WDR19: variants seen among roughly 807,000 people sequenced by gnomAD.
WDR19 encodes the protein WD repeat-containing protein 19.
Under a neutral mutation model 180.0 loss-of-function variants are expected in WDR19, and 121 were observed. That is an observed-to-expected ratio of 0.67 (90% CI 0.58 to 0.78). The LOEUF (loss-of-function observed/expected upper bound fraction) is 0.78, where lower values mean the gene tolerates loss of function less well. Ranked by LOEUF, WDR19 falls within the 30% of genes least tolerant of loss-of-function variation. The probability of loss-of-function intolerance (pLI) is 0.00; values close to 1 mark genes in which losing one functional copy is unlikely to be tolerated. For missense variants in WDR19, 1,450 were observed against 1,640.7 expected, an observed-to-expected ratio of 0.88 and a Z score of 2.01; for synonymous variants, 497 against 540.7, an observed-to-expected ratio of 0.92 and a Z score of 1.12.
intron 36 of WDR19, among the ~76,000 whole-genome samples, chr4:39,282,323 T>A (rs1022601848): frequency 5.3e-5 from 8 of 152,204 alleles, no homozygotes; most frequent in Non-Finnish European, 8.8e-5. Flanking sequence ...TTAACAGCAG[T>A]CTGCCAATCT....
chr4:39,257,069 A>G (rs969171522), intron 27 of WDR19, among the ~76,000 whole-genome samples: 29 of 152,224 alleles, frequency 1.9e-4, no homozygotes, highest in Non-Finnish European at 4.1e-4. Context: ...CATATCACAC[A>G]GATCTTCTTA....
chr4:39,187,292 C>T (rs576449972), intron 3 of WDR19, among the ~76,000 whole-genome samples: 12 of 151,910 alleles, frequency 7.9e-5, no homozygotes, highest in African/African-American at 2.2e-4. Context: ...TGGTGGCATG[C>T]GCCTGTAGTC....
intron 7 of WDR19, among the ~76,000 whole-genome samples, chr4:39,204,539 A>G (rs1425294202): frequency 5.3e-5 from 8 of 152,268 alleles, no homozygotes; most frequent in Admixed American, 2.6e-4. Flanking sequence ...GTGACTTACA[A>G]TTGAGAGCAT....
chr4:39,234,604 A>G (rs1394004288), intron 19 of WDR19, among the ~76,000 whole-genome samples, 162 bp from the exon 20 acceptor site: 4 of 152,344 alleles, frequency 2.6e-5, no homozygotes, highest in Admixed American at 2.0e-4. Flanking sequence ...TCAAGACCCT[A>G]TTGAGAATAC....
chr4:39,284,645 T>TA (rs144371093), intron 36 of WDR19, among the ~76,000 whole-genome samples: 54,521 of 131,094 alleles, frequency 0.42, 13,546 homozygotes, highest in East Asian at 0.57. Flanking sequence ...CCTGGCTTTC[T>TA]AAAAAAAAAA....
intron 28 of WDR19, among the ~76,000 whole-genome samples, chr4:39,261,006 G>A (rs894745570): frequency 1.3e-5 from 2 of 151,934 alleles, no homozygotes; most frequent in African/African-American, 4.8e-5. Flanking sequence ...TCTCTTTTTT[G>A]TTGTTTCGTT....
intron 4 of WDR19, among the ~76,000 whole-genome samples, chr4:39,191,938 G>A (rs1372740126): frequency 6.6e-6 from 1 of 152,246 alleles, no homozygotes; most frequent in South Asian, 2.1e-4. Flanking sequence ...CTGATCCAAT[G>A]GCATTATTGG....
At chr4:39,231,532 A>G (rs112285281) in intron 17 of WDR19, among the ~76,000 whole-genome samples, 17 of 152,318 alleles carry the variant, frequency 1.1e-4, no homozygotes, top group African/African-American at 4.1e-4. Flanking sequence ...AAAAGAAATA[A>G]ATGAATAGGA....
At chr4:39,263,608 C>CT (rs1282211156) in intron 28 of WDR19, among the ~76,000 whole-genome samples, 1 of 152,142 alleles carries the variant, frequency 6.6e-6, no homozygotes, top group Non-Finnish European at 1.5e-5. Flanking sequence ...CTGGGGGCAG[C>CT]TGCCATTATT....
At chr4:39,207,017 G>A (rs1325116057) in intron 9 of WDR19, among the ~76,000 whole-genome samples, 4 of 152,068 alleles carry the variant, frequency 2.6e-5, no homozygotes, top group African/African-American at 9.7e-5. Context: ...AACTCGCTCA[G>A]GAAATAACAA....
intron 8 of WDR19, 23 bp downstream of exon 8, chr4:39,205,289 G>A (rs1727830187): frequency 6.5e-7 from 1 of 1,544,746 alleles, no homozygotes; most frequent in East Asian, 2.3e-5. Flanking sequence ...TAACTGGTAT[G>A]TACAAAAAGC....
intron 3 of WDR19, among the ~76,000 whole-genome samples, chr4:39,188,779 C>G (rs1313484729): frequency 6.6e-6 from 1 of 151,958 alleles, no homozygotes; most frequent in Non-Finnish European, 1.5e-5. Flanking sequence ...GAAACAGGGT[C>G]TCTCTGTGTT....
chr4:39,252,041 A>G (rs191296666), intron 24 of WDR19, among the ~76,000 whole-genome samples: 163 of 152,282 alleles, frequency 1.1e-3, no homozygotes, highest in African/African-American at 3.4e-3. Context: ...TCATGCTGCT[A>G]TGAAGACACA....
chr4:39,225,483 C>A (rs1481380392), intron 15 of WDR19, among the ~76,000 whole-genome samples: 1 of 152,060 alleles, frequency 6.6e-6, no homozygotes, highest in Admixed American at 6.6e-5. Flanking sequence ...ATGGATGAAC[C>A]CATTTTAAAA....
intron 23 of WDR19, 105 bp from the exon 24 acceptor site, chr4:39,245,264 A>G (rs1299134555): frequency 3.3e-6 from 3 of 906,496 alleles, no homozygotes; most frequent in South Asian, 2.1e-5. Flanking sequence ...TTTGAAAGAT[A>G]GTAATAACTG....
At chr4:39,248,865 T>A (rs1196542947) in intron 24 of WDR19, among the ~76,000 whole-genome samples, 2 of 152,140 alleles carry the variant, frequency 1.3e-5, no homozygotes, top group African/African-American at 4.8e-5. Flanking sequence ...AAGTCCTTAC[T>A]GACCTACAAA....
chr4:39,257,875 G>A (rs555433904), intron 28 of WDR19, among the ~76,000 whole-genome samples: 10 of 151,896 alleles, frequency 6.6e-5, no homozygotes, highest in Admixed American at 6.6e-5. Context: ...AATCCTAAGT[G>A]TACAACTCGA....
chr4:39,284,413 A>G (rs538802319), intron 36 of WDR19, among the ~76,000 whole-genome samples: 1 of 137,060 alleles, frequency 7.3e-6, no homozygotes, highest in African/African-American at 2.7e-5. Context: ...ATCATCGTTC[A>G]CTGCAGCCTC....
intron 5 of WDR19, among the ~76,000 whole-genome samples, chr4:39,197,394 C>G (rs1011817126): frequency 1.4e-5 from 2 of 145,566 alleles, no homozygotes; most frequent in African/African-American, 5.2e-5. Context: ...CCACTGCACT[C>G]CAGCCTGGGA....
Sources: allele counts gnomAD v4.1 joint callset (sites outside exome capture counted in the v4.1 genomes callset), GRCh38; gene constraint gnomAD v4.1.1; transcripts MANE v1.5; gene names NCBI Gene and HGNC (gene_info 2026-07-23, HGNC 2026-07-21).